TJP1: variants seen among roughly 807,000 people sequenced by gnomAD.
TJP1 encodes the protein tight junction protein 1.
Under a neutral mutation model 194.2 loss-of-function variants are expected in TJP1, and 43 were observed. The ratio of observed to expected loss-of-function variants is 0.22; its 90% CI spans 0.17 to 0.29. TJP1 has a LOEUF of 0.29. TJP1 is among the 10% of genes least tolerant of loss of function. The pLI is 1.00. For missense variants in TJP1, 1,971 were observed against 2,185.7 expected (o/e 0.90, Z 1.96); for synonymous variants, 801 against 779.0 (o/e 1.03, Z -0.47).
chr15:29,942,083 A>C (rs2152285386), intron 2 of TJP1, among the ~76,000 whole-genome samples: 1 of 152,346 alleles, frequency 6.6e-6, no homozygotes, highest in Middle Eastern at 3.4e-3. Context: ...TATTTGTTAA[A>C]CCAGAATACT....
Position 29,719,766 on chromosome 15 carries a change from A to G in TJP1, c.3003+11T>C. On this transcript the variant is annotated intron_variant, in intron 20 of 27. Coordinates refer to ENST00000614355, the MANE Select transcript of TJP1 (RefSeq NM_001330239.4). ...CAGCAACAAATTAGTGCAACACCGC[A>G]GCACAGGTACCTTTGTTGGATCTAC... is the stretch of plus-strand genomic sequence containing the variant. The G allele has an allele frequency of 6.2e-7, 1 of 1,609,472 alleles. No homozygotes were observed. Among genetic ancestry groups the G allele is most frequent in the Non-Finnish European group, 8.5e-7 (1 of 1,177,136 alleles).
At chr15:29,819,248 A>G (rs1003840606) in intron 1 of TJP1, among the ~76,000 whole-genome samples, 3 of 152,188 alleles carry the variant, frequency 2.0e-5, no homozygotes, top group African/African-American at 7.2e-5. Flanking sequence ...TGGATAACCA[A>G]TAGTCCTAGC....
chr15:29,892,127 T>C (rs1278982156), intron 2 of TJP1, among the ~76,000 whole-genome samples: 1 of 152,214 alleles, frequency 6.6e-6, no homozygotes, highest in Non-Finnish European at 1.5e-5. Context: ...AAAACAGCCT[T>C]ATTGCTGATA....
intron 2 of TJP1, among the ~76,000 whole-genome samples, chr15:29,950,719 C>T (rs936793490): frequency 6.6e-6 from 1 of 152,150 alleles, no homozygotes; most frequent in African/African-American, 2.4e-5. Context: ...GTGTTCTCAC[C>T]ATTTCATGCC....
At chr15:29,860,866 C>T (rs146041370) in intron 2 of TJP1, among the ~76,000 whole-genome samples, 4 of 152,258 alleles carry the variant, frequency 2.6e-5, no homozygotes, top group Non-Finnish European at 5.9e-5. Context: ...ACCTTGTTAG[C>T]GTTTCTTAGC....
chr15:29,849,813 G>A (rs1215476057), intron 2 of TJP1, among the ~76,000 whole-genome samples: 1 of 151,646 alleles, frequency 6.6e-6, no homozygotes, highest in Non-Finnish European at 1.5e-5. Context: ...GGGCTTAAGT[G>A]ATCCACCTAC....
At chr15:29,736,438 A>G (rs1320439215) in intron 11 of TJP1, among the ~76,000 whole-genome samples, 1 of 152,240 alleles carries the variant, frequency 6.6e-6, no homozygotes, top group South Asian at 2.1e-4. Flanking sequence ...TGAGTACAGA[A>G]AGAGACCAGA....
intron 2 of TJP1, among the ~76,000 whole-genome samples, chr15:29,934,272 A>G (rs1334022411): frequency 6.6e-6 from 1 of 152,224 alleles, no homozygotes; most frequent in Non-Finnish European, 1.5e-5. Context: ...ATATTGGTTC[A>G]TGCTACCTGT....
chr15:29,852,378 C>T (rs901269426), intron 2 of TJP1, among the ~76,000 whole-genome samples: 1 of 152,178 alleles, frequency 6.6e-6, no homozygotes, highest in Admixed American at 6.5e-5. Context: ...CATCATTATT[C>T]CTCAGAGAAA....
At chr15:29,806,466 C>T (rs2049117756) in intron 1 of TJP1, among the ~76,000 whole-genome samples, 1 of 152,156 alleles carries the variant, frequency 6.6e-6, no homozygotes, top group East Asian at 1.9e-4. Context: ...TTCTTGATGA[C>T]ATGCAGTTCC....
chr15:29,749,344 T>C (rs2045083162), intron 8 of TJP1, among the ~76,000 whole-genome samples: 1 of 152,192 alleles, frequency 6.6e-6, no homozygotes, highest in African/African-American at 2.4e-5. Context: ...TCTTACCCAA[T>C]CAAATGTGTG....
chr15:29,968,211 A>G (rs2056396141), intron 1 of TJP1: 1 of 985,288 alleles, frequency 1.0e-6, no homozygotes, highest in African/African-American at 1.7e-5. Flanking sequence ...CTCGTCCTCT[A>G]CTATGCACTC....
rs762177027 is a variant in TJP1, at chr15:29,718,755, A to C, written c.3387T>G (p.Phe1129Leu). Residue 1129 changes from phenylalanine to leucine, a missense_variant, in exon 21 of 28, where the codon TTT (phenylalanine) becomes TTG (leucine). Coordinates refer to ENST00000614355, the MANE Select transcript of TJP1 (RefSeq NM_001330239.4). ...HPEESSERGYFPRFEEPAPLS... is the reference protein window; with the variant it reads ...HPEESSERGYLPRFEEPAPLS... ...GAGGGGCTGGCTCTTCAAAACGTGG[A>C]AAGTACCCTCGTTCTGAGGACTCTT... is the stretch of plus-strand genomic sequence containing the variant. The C allele has an allele frequency of 6.2e-7, 1 of 1,614,086 alleles. No individual in the cohort carries two copies. Among genetic ancestry groups the C allele is most frequent in the Non-Finnish European group, 8.5e-7 (1 of 1,180,018 alleles).
At chr15:29,937,197 A>T (rs1189034962) in intron 2 of TJP1, among the ~76,000 whole-genome samples, 1 of 152,224 alleles carries the variant, frequency 6.6e-6, no homozygotes, top group Non-Finnish European at 1.5e-5. Flanking sequence ...AGTCCCACCT[A>T]TGGTATTTGT....
At chr15:29,710,547 G>A (rs1390916233) in intron 24 of TJP1, among the ~76,000 whole-genome samples, 20 of 152,056 alleles carry the variant, frequency 1.3e-4, no homozygotes. Context: ...AAACATAGTA[G>A]GTTTTACAAA....
At chr15:29,778,766 TC>T (rs1257581832) in intron 2 of TJP1, among the ~76,000 whole-genome samples, 1 of 152,158 alleles carries the variant, frequency 6.6e-6, no homozygotes, top group Non-Finnish European at 1.5e-5. Context: ...ACCTTATCAA[TC>T]TTGCAAGCTT....
intron 2 of TJP1, among the ~76,000 whole-genome samples, chr15:29,838,569 C>T (rs2051112708): frequency 6.6e-6 from 1 of 151,996 alleles, no homozygotes; most frequent in Non-Finnish European, 1.5e-5. Flanking sequence ...ACATTCCAAA[C>T]ATGTTATTCA....
intron 2 of TJP1, among the ~76,000 whole-genome samples, chr15:29,920,946 T>C (rs1473651390): frequency 1.3e-5 from 2 of 152,170 alleles, no homozygotes; most frequent in African/African-American, 4.8e-5. Flanking sequence ...GCAATTTACT[T>C]GAAATGAGTA....
At chr15:29,907,201 A>T (rs1377507477) in intron 2 of TJP1, among the ~76,000 whole-genome samples, 1 of 152,024 alleles carries the variant, frequency 6.6e-6, no homozygotes, top group Non-Finnish European at 1.5e-5. Flanking sequence ...TGAGGTCAGG[A>T]GATCGAGACC....
Sources: allele counts gnomAD v4.1 joint callset (sites outside exome capture counted in the v4.1 genomes callset), GRCh38; gene constraint gnomAD v4.1.1; transcripts MANE v1.5; gene names NCBI Gene and HGNC (gene_info 2026-07-23, HGNC 2026-07-21).